The following KCMF1 variants were observed in gnomAD, a reference collection of about 807,000 sequenced individuals.
KCMF1 encodes the protein E3 ubiquitin-protein ligase KCMF1.
In KCMF1, 3 loss-of-function variants were observed where a neutral mutation model predicts 41.1. That is an observed-to-expected ratio of 0.07 (90% CI 0.03 to 0.19). The LOEUF is 0.19. Ranked by LOEUF, KCMF1 falls within the 10% of genes least tolerant of loss-of-function variation. KCMF1 has a pLI of 1.00. For missense variants in KCMF1, 286 were observed against 488.9 expected (o/e 0.58, Z 3.91); for synonymous variants, 142 against 164.5 (o/e 0.86, Z 1.04).
intron 1 of KCMF1, among the ~76,000 whole-genome samples, chr2:85,024,452 G>A (rs185981586): frequency 5.9e-5 from 9 of 152,172 alleles, no homozygotes; most frequent in Admixed American, 2.0e-4. Flanking sequence ...CAGCCCCGGC[G>A]ACAGAGTGAG....
At chr2:85,028,467 G>C (rs1312216628) in intron 2 of KCMF1, among the ~76,000 whole-genome samples, 2 of 140,116 alleles carry the variant, frequency 1.4e-5, no homozygotes, top group Admixed American at 1.5e-4. Context: ...TTATAGGCGT[G>C]AGCCACTGTG....
intron 4 of KCMF1, among the ~76,000 whole-genome samples, chr2:85,044,252 A>G (rs1176585957): frequency 6.6e-6 from 1 of 152,108 alleles, no homozygotes. Flanking sequence ...ACAGGTGTGC[A>G]TCTTGGTGTT....
intron 1 of KCMF1, among the ~76,000 whole-genome samples, chr2:85,024,128 G>T (rs908697118): frequency 6.6e-6 from 1 of 152,138 alleles, no homozygotes; most frequent in African/African-American, 2.4e-5. Flanking sequence ...CATGTATGTT[G>T]TACATATCGC....
chr2:84,988,940 A>G (rs1673970047), intron 1 of KCMF1, among the ~76,000 whole-genome samples: 1 of 152,210 alleles, frequency 6.6e-6, no homozygotes, highest in South Asian at 2.1e-4. Flanking sequence ...TGATCTGGTA[A>G]ATCTTTATGG....
intron 1 of KCMF1, among the ~76,000 whole-genome samples, chr2:84,974,645 G>A: frequency 9.8e-6 from 1 of 101,812 alleles, no homozygotes; most frequent in Non-Finnish European, 1.9e-5. Context: ...TGTGGACACT[G>A]ACATTTTAAT....
chr2:85,053,119 A>G (rs200520798), intron 6 of KCMF1, 29 bp from the exon 7 acceptor site: 74 of 1,584,470 alleles, frequency 4.7e-5, no homozygotes, highest in Non-Finnish European at 5.8e-5. Flanking sequence ...CTTTTTAACA[A>G]TAAGGTCTTT....
intron 1 of KCMF1, among the ~76,000 whole-genome samples, chr2:85,007,101 CA>C (rs764401140): frequency 3.3e-3 from 171 of 51,910 alleles, no homozygotes; most frequent in East Asian, 9.3e-3. Flanking sequence ...AACTCAGTCT[CA>C]AAAAAAAAAA....
At chr2:84,988,189 G>A (rs944283755) in intron 1 of KCMF1, among the ~76,000 whole-genome samples, 6 of 151,744 alleles carry the variant, frequency 4.0e-5, no homozygotes, top group African/African-American at 1.5e-4. Context: ...CCAAGATCGC[G>A]CCATTGCACT....
chr2:85,023,195 A>T (rs1674992077), intron 1 of KCMF1, among the ~76,000 whole-genome samples: 1 of 148,720 alleles, frequency 6.7e-6, no homozygotes, highest in Non-Finnish European at 1.5e-5. Context: ...CCAATACTGT[A>T]TGTATTCTTT....
chr2:85,012,666 C>T (rs1674679889), intron 1 of KCMF1, among the ~76,000 whole-genome samples: 1 of 152,198 alleles, frequency 6.6e-6, no homozygotes, highest in South Asian at 2.1e-4. Context: ...ACTCACATGC[C>T]TCCTAAACCA....
At position 84,987,530 on chromosome 2, in the gene KCMF1, G is replaced by T. The variant is rs536411665; in HGVS notation, c.16+16063G>T. Among the ~76,000 whole-genome samples the T allele has an allele frequency of 2.6e-5, 4 of 152,318 alleles. No homozygotes were observed. In the South Asian group the frequency reaches 8.3e-4, roughly 32 times the overall value. Reference sequence around the variant, plus strand: ...AGCCAGAGTGCTGGAAGAATTGCAGGTTCTTGTAGTAAATTGGGCATCTAG... The same window carrying T: ...AGCCAGAGTGCTGGAAGAATTGCAGTTTCTTGTAGTAAATTGGGCATCTAG... On this transcript the variant is annotated intron_variant, in intron 1 of 6. Coordinates refer to ENST00000409785, the MANE Select transcript of KCMF1 (RefSeq NM_020122.5).
At chr2:85,004,811 G>A (rs149019368) in intron 1 of KCMF1, among the ~76,000 whole-genome samples, 89 of 152,054 alleles carry the variant, frequency 5.9e-4, no homozygotes, top group African/African-American at 2.0e-3. Context: ...TGAAAATTTT[G>A]GAGGACTGTA....
In KCMF1 at chr2:85,053,150, T is replaced by G; in HGVS notation, c.887T>G (p.Leu296Trp). Residue 296 changes from leucine to tryptophan, a missense_variant and splice_region_variant, in exon 7 of 7, where the codon TTG (leucine) becomes TGG (tryptophan). Physicochemically the swap from Leu to Trp is moderately conservative, Grantham distance 61 (BLOSUM62 -2). This residue lies in a region of KCMF1 where 191 missense variants were observed against 279.3 expected (regional missense o/e 0.68). Transcript: ENST00000409785. The part of the protein sequence containing the change: ...LQNSQFLLTR[L>W]NDPKMSETER... ...TCTTTTCTTTTTAACTTACACAGGT[T>G]GAATGATCCTAAAATGTCTGAAACG... 6.2e-7 allele frequency: 1 copy of G among 1,612,694 alleles called. No individual in the cohort carries two copies. Among genetic ancestry groups the G allele is most frequent in the Non-Finnish European group, 8.5e-7 (1 of 1,179,352 alleles).
intron 1 of KCMF1, among the ~76,000 whole-genome samples, chr2:84,989,236 CTG>C (rs1478833883): frequency 6.6e-6 from 1 of 152,112 alleles, no homozygotes; most frequent in Non-Finnish European, 1.5e-5. Flanking sequence ...GTAGTAAGAA[CTG>C]TAATAAATTT....
At chr2:85,023,738 C>T (rs1352866038) in intron 1 of KCMF1, among the ~76,000 whole-genome samples, 2 of 152,160 alleles carry the variant, frequency 1.3e-5, no homozygotes, top group Non-Finnish European at 2.9e-5. Flanking sequence ...AGTGAAATTA[C>T]GGTATCATAG....
At chr2:85,028,745 T>A (rs975946567) in intron 2 of KCMF1, among the ~76,000 whole-genome samples, 6 of 148,936 alleles carry the variant, frequency 4.0e-5, no homozygotes, top group Admixed American at 4.0e-4. Context: ...TGCCTCGGCC[T>A]CCAAAGTGCT....
chr2:84,991,760 C>A (rs1257845483), intron 1 of KCMF1, among the ~76,000 whole-genome samples: 1 of 152,180 alleles, frequency 6.6e-6, no homozygotes, highest in African/African-American at 2.4e-5. Context: ...CAACAGCCTC[C>A]TCCCCAGCCC....
chr2:85,019,926 T>G (rs901625318), intron 1 of KCMF1, among the ~76,000 whole-genome samples: 1 of 152,002 alleles, frequency 6.6e-6, no homozygotes, highest in African/African-American at 2.4e-5. Flanking sequence ...ACAGAAATGA[T>G]TTTATCAAAA....
At chr2:85,037,271 T>G (rs190015626) in intron 3 of KCMF1, among the ~76,000 whole-genome samples, 1 of 152,304 alleles carries the variant, frequency 6.6e-6, no homozygotes, top group East Asian at 1.9e-4. Flanking sequence ...TATCTACATA[T>G]GTTCCCACCC....
Sources: allele counts gnomAD v4.1 joint callset (sites outside exome capture counted in the v4.1 genomes callset), GRCh38; gene constraint gnomAD v4.1.1; regional missense constraint gnomAD v4.1.1; transcripts MANE v1.5; gene names NCBI Gene and HGNC (gene_info 2026-07-23, HGNC 2026-07-21).